KLRG1: variants seen among roughly 807,000 people sequenced by gnomAD.
KLRG1 encodes the protein killer cell lectin-like receptor subfamily G member 1.
In KLRG1, 16 loss-of-function variants were observed where a neutral mutation model predicts 21.8. The observed-to-expected ratio is 0.73, with a 90% CI of 0.50 to 1.11. The LOEUF is 1.11. Ranked by LOEUF, KLRG1 falls within the 50% of genes most tolerant of loss-of-function variation. KLRG1 has a pLI of 0.00. For missense variants in KLRG1, 173 were observed against 218.3 expected (o/e 0.79, Z 1.31); for synonymous variants, 69 against 75.9 (o/e 0.91, Z 0.47).
the KLRG1 span, among the ~76,000 whole-genome samples, chr12:9,209,411 C>A: frequency 6.6e-6 from 1 of 151,820 alleles, no homozygotes; most frequent in Non-Finnish European, 1.5e-5. Flanking sequence ...GAAATAATTT[C>A]TTTTAAATTA....
intron 3 of KLRG1, among the ~76,000 whole-genome samples, chr12:8,995,849 A>AT (rs1258115906): frequency 1.3e-5 from 2 of 151,808 alleles, no homozygotes; most frequent in Admixed American, 1.3e-4. Flanking sequence ...TGCCTGGCTA[A>AT]TTTTTTGTAT....
chr12:9,165,215 A>T, the KLRG1 span: 1 of 1,614,202 alleles, frequency 6.2e-7, no homozygotes, highest in Non-Finnish European at 8.5e-7. Context: ...AGAGTAAGGC[A>T]TTGTGAGCTC....
At chr12:8,999,572 A>G (rs746364887) in intron 3 of KLRG1, among the ~76,000 whole-genome samples, 3 of 152,220 alleles carry the variant, frequency 2.0e-5, no homozygotes, top group African/African-American at 4.8e-5. Flanking sequence ...TGCAAACACT[A>G]TGGTAACATG....
chr12:9,197,480 TATA>T, the KLRG1 span, among the ~76,000 whole-genome samples: 466 of 129,772 alleles, frequency 3.6e-3, 4 homozygotes, highest in African/African-American at 0.013. Context: ...TATATAATAA[TATA>T]ATATATTATA....
chr12:9,086,969 C>A, the KLRG1 span, among the ~76,000 whole-genome samples: 1 of 152,066 alleles, frequency 6.6e-6, no homozygotes, highest in African/African-American at 2.4e-5. Context: ...ACATAAAAAT[C>A]AGTAGTATTT....
the KLRG1 span, chr12:9,160,334 G>A: frequency 6.2e-7 from 1 of 1,613,474 alleles, no homozygotes; most frequent in Non-Finnish European, 8.5e-7. Context: ...ATAGCCAACG[G>A]CCTTGGCCTT....
chr12:9,154,307 G>A, the KLRG1 span, among the ~76,000 whole-genome samples: 4 of 152,234 alleles, frequency 2.6e-5, no homozygotes, highest in East Asian at 3.9e-4. Flanking sequence ...GATGTGGCTC[G>A]AAATGTCAAT....
the KLRG1 span, chr12:9,160,564 CT>C: frequency 3.0e-6 from 4 of 1,355,260 alleles, no homozygotes; most frequent in Non-Finnish European, 4.0e-6. Flanking sequence ...CAAAAATGGC[CT>C]TTATATTCAG....
chr12:9,005,040 C>A (rs1947427509), intron 3 of KLRG1, among the ~76,000 whole-genome samples: 1 of 151,870 alleles, frequency 6.6e-6, no homozygotes, highest in African/African-American at 2.4e-5. Flanking sequence ...TGACAATAGC[C>A]AAGATATGAA....
At chr12:9,060,091 G>A in the KLRG1 span, among the ~76,000 whole-genome samples, 3 of 135,744 alleles carry the variant, frequency 2.2e-5, no homozygotes, top group South Asian at 5.0e-4. Flanking sequence ...TGCAAGCTCC[G>A]CCTCCTGGGT....
the KLRG1 span, chr12:9,163,996 G>T: frequency 7.8e-7 from 1 of 1,287,662 alleles, no homozygotes; most frequent in Non-Finnish European, 1.1e-6. Flanking sequence ...GGAGGTCATA[G>T]TGGATAGAAA....
chr12:9,065,912 C>G, the KLRG1 span: 1 of 152,262 alleles, frequency 6.6e-6, no homozygotes, highest in Non-Finnish European at 1.5e-5. Flanking sequence ...CTCCTCTCTG[C>G]TGAAAGCTGA....
At chr12:9,116,842 A>G in the KLRG1 span, among the ~76,000 whole-genome samples, 4 of 152,208 alleles carry the variant, frequency 2.6e-5, no homozygotes, top group Non-Finnish European at 5.9e-5. Context: ...AAAAACAGAC[A>G]GAAAAACAAC....
chr12:9,040,753 CA>C, the KLRG1 span, among the ~76,000 whole-genome samples: 3 of 152,262 alleles, frequency 2.0e-5, no homozygotes, highest in African/African-American at 7.2e-5. Flanking sequence ...TCTTCATGCT[CA>C]AAATGTTTTG....
intron 1 of KLRG1, among the ~76,000 whole-genome samples, chr12:8,965,055 C>A (rs1946444257): frequency 6.6e-6 from 1 of 152,094 alleles, no homozygotes; most frequent in African/African-American, 2.4e-5. Flanking sequence ...TAAATGTAAT[C>A]CAATATATAA....
chr12:9,181,602 G>A, the KLRG1 span, among the ~76,000 whole-genome samples: 1 of 152,248 alleles, frequency 6.6e-6, no homozygotes, highest in East Asian at 1.9e-4. Flanking sequence ...GGCAGAATAA[G>A]GATAGATACC....
the KLRG1 span, among the ~76,000 whole-genome samples, chr12:9,117,892 T>C: frequency 1.3e-5 from 2 of 152,224 alleles, no homozygotes; most frequent in Admixed American, 6.5e-5. Context: ...TTAAAGACTT[T>C]TTTTTCATAA....
the KLRG1 span, among the ~76,000 whole-genome samples, chr12:9,150,126 C>A: frequency 2.0e-5 from 3 of 152,120 alleles, no homozygotes; most frequent in African/African-American, 7.2e-5. Flanking sequence ...AATAGTCTTT[C>A]CTGTTATGTA....
At chr12:9,017,347 T>C in the KLRG1 span, among the ~76,000 whole-genome samples, 35 of 148,482 alleles carry the variant, frequency 2.4e-4, no homozygotes, top group African/African-American at 8.0e-4. Flanking sequence ...CTGATAGACA[T>C]TGATGCAAAA....
Sources: allele counts gnomAD v4.1 joint callset (sites outside exome capture counted in the v4.1 genomes callset), GRCh38; gene constraint gnomAD v4.1.1; transcripts MANE v1.5; gene names NCBI Gene and HGNC (gene_info 2026-07-23, HGNC 2026-07-21).